TAX1BP1: variants seen among roughly 807,000 people sequenced by gnomAD.
The protein encoded by TAX1BP1 is Tax1 binding protein 1.
A neutral mutation model predicts 97.7 loss-of-function variants in TAX1BP1; 62 were observed. The ratio of observed to expected loss-of-function variants is 0.63; its 90% CI spans 0.52 to 0.78. TAX1BP1 has a LOEUF of 0.78. TAX1BP1 is among the 30% of genes least tolerant of loss of function. The pLI is 0.00. For missense variants in TAX1BP1, 867 were observed against 916.1 expected, an observed-to-expected ratio of 0.95 and a Z score of 0.69; for synonymous variants, 340 against 304.2, an observed-to-expected ratio of 1.12 and a Z score of -1.23.
chr7:27,777,594 C>A (rs1789079456), intron 5 of TAX1BP1, among the ~76,000 whole-genome samples: 1 of 152,128 alleles, frequency 6.6e-6, no homozygotes, highest in Non-Finnish European at 1.5e-5. Context: ...GATCACTAAT[C>A]AGCTCAAGAC....
intron 5 of TAX1BP1, among the ~76,000 whole-genome samples, chr7:27,778,862 A>T (rs1789135267): frequency 6.8e-6 from 1 of 147,806 alleles, no homozygotes. Flanking sequence ...CTGCGTTTAA[A>T]AAAAAAAAAA....
chr7:27,820,631 A>G (rs1790940049), intron 15 of TAX1BP1, among the ~76,000 whole-genome samples: 1 of 152,210 alleles, frequency 6.6e-6, no homozygotes, highest in Non-Finnish European at 1.5e-5. Context: ...TTTGCAACAA[A>G]TGGTACTGGA....
chr7:27,742,036 G>C (rs1056476335), intron 1 of TAX1BP1, among the ~76,000 whole-genome samples: 14 of 152,340 alleles, frequency 9.2e-5, no homozygotes, highest in Non-Finnish European at 1.6e-4. Context: ...CCCACCTCCA[G>C]CCCTAAGGCG....
rs73295515 is a variant in TAX1BP1 at position 27,746,991 on chromosome 7, A to G, written c.-7-1527A>G. ...AACAGTTGTAAAAGCACACTGTTTTAGATCTTAGCAATAAGCCTTCTTACT... is the reference window on the plus strand; with the variant it reads ...AACAGTTGTAAAAGCACACTGTTTTGGATCTTAGCAATAAGCCTTCTTACT... On this transcript the variant is annotated intron_variant, in intron 1 of 16. Coordinates refer to ENST00000396319, the MANE Select transcript of TAX1BP1 (RefSeq NM_006024.7). 6.7e-3 allele frequency among the ~76,000 whole-genome samples: 1,017 copies of G among 152,342 alleles called. 13 individuals are homozygous for G. The highest frequency in any genetic ancestry group is 0.024 in the African/African-American group (980 of 41,580).
At chr7:27,775,502 G>A (rs1429612658) in intron 5 of TAX1BP1, among the ~76,000 whole-genome samples, 1 of 152,126 alleles carries the variant, frequency 6.6e-6, no homozygotes, top group Non-Finnish European at 1.5e-5. Flanking sequence ...TTTGTAATAT[G>A]TCACCTTGCT....
At chr7:27,766,576 C>T (rs1788653751) in intron 4 of TAX1BP1, among the ~76,000 whole-genome samples, 1 of 151,876 alleles carries the variant, frequency 6.6e-6, no homozygotes, top group South Asian at 2.1e-4. Flanking sequence ...AGAGACTTTC[C>T]CTAGGGCCTA....
chr7:27,745,938 A>G (rs926319000), intron 1 of TAX1BP1, among the ~76,000 whole-genome samples: 1 of 152,086 alleles, frequency 6.6e-6, no homozygotes, highest in Admixed American at 6.5e-5. Flanking sequence ...GTAAACATAT[A>G]CAAATACATA....
At chr7:27,741,499 CTTTT>C (rs575515207) in intron 1 of TAX1BP1, among the ~76,000 whole-genome samples, 1 of 142,616 alleles carries the variant, frequency 7.0e-6, no homozygotes, top group Non-Finnish European at 1.5e-5. Context: ...TCATCACGTT[CTTTT>C]TTTTTTTTTT....
intron 15 of TAX1BP1, among the ~76,000 whole-genome samples, chr7:27,819,256 T>G (rs991430608): frequency 6.6e-6 from 1 of 150,978 alleles, no homozygotes; most frequent in Non-Finnish European, 1.5e-5. Context: ...ACAAATTTAG[T>G]GACCATTAAA....
intron 5 of TAX1BP1, among the ~76,000 whole-genome samples, chr7:27,782,918 C>G (rs895370617): frequency 6.6e-6 from 1 of 152,022 alleles, no homozygotes; most frequent in African/African-American, 2.4e-5. Context: ...TAAATGTGCT[C>G]TGTTATTTTA....
chr7:27,750,118 A>G (rs563771871), intron 2 of TAX1BP1, among the ~76,000 whole-genome samples: 1 of 152,200 alleles, frequency 6.6e-6, no homozygotes, highest in East Asian at 1.9e-4. Context: ...TTTATGGGAG[A>G]TACTGGTATC....
At chr7:27,744,408 A>G (rs1306420342) in intron 1 of TAX1BP1, among the ~76,000 whole-genome samples, 1 of 152,264 alleles carries the variant, frequency 6.6e-6, no homozygotes, top group African/African-American at 2.4e-5. Flanking sequence ...TACAGGCGTG[A>G]GCCACCGCAC....
intron 3 of TAX1BP1, among the ~76,000 whole-genome samples, chr7:27,763,946 AT>A (rs1788526972): frequency 6.6e-6 from 1 of 152,328 alleles, no homozygotes; most frequent in African/African-American, 2.4e-5. Flanking sequence ...AGGAGGGTGG[AT>A]TTTTAAAATC....
chr7:27,802,185 T>G (rs1199571640), intron 13 of TAX1BP1, among the ~76,000 whole-genome samples: 2 of 152,222 alleles, frequency 1.3e-5, no homozygotes, highest in African/African-American at 4.8e-5. Context: ...AAATGGAATT[T>G]CGGTGCTAGT....
At chr7:27,761,477 C>G (rs1354562977) in intron 3 of TAX1BP1, among the ~76,000 whole-genome samples, 2 of 152,160 alleles carry the variant, frequency 1.3e-5, no homozygotes, top group Non-Finnish European at 2.9e-5. Context: ...CTCCTGTGTC[C>G]CACCAACTCA....
Position 27,762,902 on chromosome 7 carries a change from G to A in TAX1BP1, c.266-2932G>A, listed in dbSNP as rs1200110666. Among the ~76,000 whole-genome samples the A allele has an allele frequency of 3.3e-5, 5 of 152,178 alleles. No homozygotes were observed. In the East Asian group the frequency reaches 7.7e-4, roughly 23 times the overall value. On this transcript the variant is annotated intron_variant, in intron 3 of 16. Coordinates refer to ENST00000396319, the MANE Select transcript of TAX1BP1 (RefSeq NM_006024.7). ...CAGGAGGCTGGGGTTGCGGTGAGCC[G>A]AGATTGTACCACTTCACTCCAGACT...
At chr7:27,795,388 A>G (rs957921162) in intron 11 of TAX1BP1, among the ~76,000 whole-genome samples, 1 of 152,098 alleles carries the variant, frequency 6.6e-6, no homozygotes, top group Admixed American at 6.5e-5. Flanking sequence ...CAAGAGGATC[A>G]CTTGAGCTCA....
At position 27,798,741 on chromosome 7, in the gene TAX1BP1, T is replaced by C. The variant is rs567922825; in HGVS notation, c.1639-1224T>C. On this transcript the variant is annotated intron_variant, in intron 12 of 16. Transcript: ENST00000396319. ...CATCTTACATAGCCAGCCTAATGGGTGTGTACTGATAGCTCATTGTGGTTT... is the reference window on the plus strand; with the variant it reads ...CATCTTACATAGCCAGCCTAATGGGCGTGTACTGATAGCTCATTGTGGTTT... Among the ~76,000 whole-genome samples the C allele has an allele frequency of 2.4e-4, 36 of 151,496 alleles. No individual in the cohort carries two copies. The South Asian group carries it at 3.3e-3, about 14-fold the overall frequency.
intron 7 of TAX1BP1, among the ~76,000 whole-genome samples, chr7:27,786,104 A>G (rs781508752): frequency 6.6e-6 from 1 of 151,976 alleles, no homozygotes; most frequent in Non-Finnish European, 1.5e-5. Flanking sequence ...CCTCACTGCT[A>G]ACAAATCTTG....
Sources: allele counts gnomAD v4.1 joint callset (sites outside exome capture counted in the v4.1 genomes callset), GRCh38; gene constraint gnomAD v4.1.1; transcripts MANE v1.5; gene names NCBI Gene and HGNC (gene_info 2026-07-23, HGNC 2026-07-21).